The following EVL variants were observed in gnomAD, a reference collection of about 807,000 sequenced individuals.
EVL encodes the protein ena/VASP-like protein.
Under a neutral mutation model 59.6 loss-of-function variants are expected in EVL, and 21 were observed. That is an observed-to-expected ratio of 0.35 (90% CI 0.25 to 0.51). The LOEUF (loss-of-function observed/expected upper bound fraction) is 0.51. Among genes scored for constraint, EVL ranks in the 20% least tolerant of loss-of-function variants. The pLI, the probability that EVL is intolerant of heterozygous loss-of-function variation, is 0.97. For missense variants in EVL, 462 were observed against 546.6 expected, an observed-to-expected ratio of 0.85 and a Z score of 1.54; for synonymous variants, 198 against 203.5, an observed-to-expected ratio of 0.97 and a Z score of 0.23.
chr14:100,075,767 T>C (rs920221594), intron 1 of EVL, among the ~76,000 whole-genome samples: 7 of 152,206 alleles, frequency 4.6e-5, no homozygotes, highest in Non-Finnish European at 5.9e-5. Flanking sequence ...GACATATACC[T>C]ACTGAGCGTA....
In EVL at chr14:100,093,549, C is replaced by T. The variant is rs1042123706; in HGVS notation, c.181-3932C>T. Reference sequence around the variant, plus strand: ...CAGCAGTTGGTGAGCAGCCTTTGTACTGCAGTTGTAGATAGAACAGAAACG... The same window carrying T: ...CAGCAGTTGGTGAGCAGCCTTTGTATTGCAGTTGTAGATAGAACAGAAACG... On this transcript the variant is annotated intron_variant, in intron 2 of 13. Coordinates refer to ENST00000392920, the MANE Select transcript of EVL (RefSeq NM_016337.3). Among the ~76,000 whole-genome samples, 9 of 152,140 alleles carry T rather than the reference C, an allele frequency of 5.9e-5. 1 individual carries two copies. Among genetic ancestry groups the T allele is most frequent in the Admixed American group, 5.9e-4 (9 of 15,272 alleles).
intron 2 of EVL, among the ~76,000 whole-genome samples, chr14:100,095,878 C>T (rs1885774366): frequency 6.6e-6 from 1 of 152,164 alleles, no homozygotes. Flanking sequence ...CAGGCACCCA[C>T]CACCATTCTC....
rs534145486 is a variant in EVL, at chr14:100,068,085, T to C, written c.11+2574T>C. Among the ~76,000 whole-genome samples, 6 of 152,158 alleles carry C rather than the reference T, an allele frequency of 3.9e-5. No homozygotes were observed. The East Asian group carries it at 1.2e-3, about 29-fold the overall frequency. ...GAGGGCAGAGTCGGGAGGCAGAATATAGTCAAGAAACCATCAACAAGAGAC... is the reference window on the plus strand; with the variant it reads ...GAGGGCAGAGTCGGGAGGCAGAATACAGTCAAGAAACCATCAACAAGAGAC... On this transcript the variant is annotated intron_variant, in intron 1 of 13. Coordinates refer to ENST00000392920, the MANE Select transcript of EVL (RefSeq NM_016337.3).
chr14:100,103,767 T>TC (rs1275146293), intron 3 of EVL, among the ~76,000 whole-genome samples: 1 of 152,084 alleles, frequency 6.6e-6, no homozygotes, highest in East Asian at 1.9e-4. Context: ...CTGACCTGGA[T>TC]CCCCATTGGA....
chr14:100,126,886 T>G (rs1041120304), intron 5 of EVL, 115 bp downstream of exon 5: 9 of 974,340 alleles, frequency 9.2e-6, no homozygotes, highest in Non-Finnish European at 1.4e-5. Context: ...ATGGGGAGCC[T>G]AGGTCTCAAA....
At chr14:99,989,261 T>C (rs2060860204) in intron 1 of EVL, among the ~76,000 whole-genome samples, 1 of 152,144 alleles carries the variant, frequency 6.6e-6, no homozygotes, top group Non-Finnish European at 1.5e-5. Context: ...TCCAGGTGTC[T>C]TTTATCATTT....
At chr14:100,135,446 A>C in intron 8 of EVL, 1 of 155,692 alleles carries the variant, frequency 6.4e-6, no homozygotes, top group Non-Finnish European at 1.4e-5. Context: ...GCCATGCATG[A>C]TGAGTGTTAG....
chr14:100,079,132 T>G (rs1200210466), intron 1 of EVL, among the ~76,000 whole-genome samples: 1 of 152,146 alleles, frequency 6.6e-6, no homozygotes, highest in Non-Finnish European at 1.5e-5. Flanking sequence ...AGATGCACCT[T>G]TAGAGGCAGC....
chr14:100,034,604 G>T (rs1015933185), intron 1 of EVL, among the ~76,000 whole-genome samples: 3 of 151,874 alleles, frequency 2.0e-5, no homozygotes, highest in South Asian at 2.1e-4. Context: ...GGGCATGGTG[G>T]TACATGCTTG....
At position 100,093,065 on chromosome 14, in the gene EVL, G is replaced by T. The variant is rs189291037; in HGVS notation, c.181-4416G>T. On this transcript the variant is annotated intron_variant, in intron 2 of 13. Coordinates refer to ENST00000392920, the MANE Select transcript of EVL (RefSeq NM_016337.3). Reference sequence around the variant, plus strand: ...AGTAAACAAAGAGGTGGAACCATTAGGTACTGAGATTTTAGCTGTTGGCTG... The same window carrying T: ...AGTAAACAAAGAGGTGGAACCATTATGTACTGAGATTTTAGCTGTTGGCTG... Among the ~76,000 whole-genome samples, 134 of 152,310 alleles carry T rather than the reference G, an allele frequency of 8.8e-4. 1 individual carries two copies. The highest frequency in any genetic ancestry group is 1.7e-3 in the Non-Finnish European group (113 of 68,040).
Position 100,123,617 on chromosome 14 carries a change from G to A in EVL, c.422+15G>A, listed in dbSNP as rs781688745. On this transcript the variant is annotated intron_variant, in intron 4 of 13. Coordinates refer to ENST00000392920, the MANE Select transcript of EVL (RefSeq NM_016337.3). ...ATCCAGAGAAGGTAACCCAGCACCC[G>A]CAGGGGCCAGGCTGGTCATCTCCCA... The A allele has an allele frequency of 7.4e-6, 12 of 1,613,514 alleles. No homozygotes were observed. Among genetic ancestry groups the A allele is most frequent in the African/African-American group, 2.7e-5 (2 of 74,882 alleles).
chr14:100,108,794 A>G lies in EVL; in HGVS notation c.358+11136A>G, dbSNP rs1886751960. On this transcript the variant is annotated intron_variant, in intron 3 of 13. Coordinates refer to ENST00000392920, the MANE Select transcript of EVL (RefSeq NM_016337.3). The surrounding 1 kb of genome is among the most constrained non-coding windows in gnomAD (Gnocchi z 4.1). ...ACTTTGCACTCCCTCCTGCACTCCC[A>G]CGGGGCTTTATTTTTGCCTCTGTCC... 6.6e-6 allele frequency among the ~76,000 whole-genome samples: 1 copy of G among 151,980 alleles called. No homozygotes were observed.
rs188422289 is a variant in EVL, at chr14:99,981,862, A to T, written c.5+9805A>T. 4.6e-5 allele frequency among the ~76,000 whole-genome samples: 7 copies of T among 152,334 alleles called. No homozygotes were observed. The East Asian group carries it at 1.3e-3, about 29-fold the overall frequency. On this transcript the variant is annotated intron_variant, in intron 1 of 13. Transcript: ENST00000402714. ...CAAACCTTCAATTGGTAAAAAACGC[A>T]ATACCTGTGAAGCTCAATAAAGTGA...
chr14:100,042,799 C>A (rs372892241), intron 1 of EVL, among the ~76,000 whole-genome samples: 49 of 152,246 alleles, frequency 3.2e-4, no homozygotes, highest in African/African-American at 1.2e-3. Context: ...TCTGATTGAC[C>A]CCAGTTCCGG....
intron 3 of EVL, among the ~76,000 whole-genome samples, chr14:100,121,097 G>A (rs1378026489): frequency 6.6e-6 from 1 of 152,186 alleles, no homozygotes; most frequent in Admixed American, 6.5e-5. Flanking sequence ...CTCCGCCTTG[G>A]CTTCTGCCTG....
At chr14:100,124,050 C>T (rs1485843099) in intron 4 of EVL, among the ~76,000 whole-genome samples, 4 of 152,226 alleles carry the variant, frequency 2.6e-5, no homozygotes, top group African/African-American at 9.6e-5. Context: ...AGTGTTACCA[C>T]AGTGGGGAAG....
intron 11 of EVL, 166 bp from the exon 12 acceptor site, chr14:100,141,014 G>A: frequency 1.7e-6 from 1 of 580,172 alleles, no homozygotes; most frequent in Non-Finnish European, 3.0e-6. Flanking sequence ...GGTGGAGACG[G>A]GCGTTAAATC....
At chr14:100,081,536 C>T (rs1190974) in intron 1 of EVL, among the ~76,000 whole-genome samples, 89,141 of 143,770 alleles carry the variant, frequency 0.62, 30,527 homozygotes, top group Non-Finnish European at 0.75. Context: ...AAAAAAGGAA[C>T]CTGTAGCTAT....
intron 1 of EVL, among the ~76,000 whole-genome samples, chr14:100,024,960 A>G (rs114758978): frequency 0.019 from 2,876 of 152,026 alleles, 90 homozygotes; most frequent in African/African-American, 0.066. Flanking sequence ...AAGCAGTCCT[A>G]CCAGCTCTGT....
Sources: gnomAD v4.1 joint callset for allele counts (sites outside exome capture counted in the v4.1 genomes callset) on GRCh38, gnomAD v4.1.1 for gene constraint, Gnocchi (gnomAD v3.1) non-coding constraint, MANE v1.5 for transcripts, NCBI Gene and HGNC (gene_info 2026-07-23, HGNC 2026-07-21) for gene names.